FAM81A: variants seen among roughly 807,000 people sequenced by gnomAD.
FAM81A encodes the protein family with sequence similarity 81 member A, also known as protein FAM81A.
Under a neutral mutation model 46.7 loss-of-function variants are expected in FAM81A, and 19 were observed. That is an observed-to-expected ratio of 0.41 (90% CI 0.28 to 0.60). The LOEUF is 0.60. Among genes scored for constraint, FAM81A ranks in the 20% least tolerant of loss-of-function variants. FAM81A has a pLI of 0.34. For missense variants in FAM81A, 377 were observed against 453.5 expected (o/e 0.83, Z 1.53); for synonymous variants, 183 against 152.9 (o/e 1.20, Z -1.45).
intron 1 of FAM81A, among the ~76,000 whole-genome samples, chr15:59,456,321 A>G (rs2081483919): frequency 6.6e-6 from 1 of 152,008 alleles, no homozygotes; most frequent in African/African-American, 2.4e-5. Flanking sequence ...GGAGCAGGTG[A>G]TTGTGGTAGG....
chr15:59,413,564 G>A (rs2081132071), intron 2 of FAM81A, among the ~76,000 whole-genome samples: 1 of 152,048 alleles, frequency 6.6e-6, no homozygotes, highest in African/African-American at 2.4e-5. Context: ...CTCTGTACTT[G>A]AGCCTAAATA....
chr15:59,432,414 T>C (rs1464751210), intron 2 of FAM81A, among the ~76,000 whole-genome samples: 1 of 152,224 alleles, frequency 6.6e-6, no homozygotes, highest in South Asian at 2.1e-4. Context: ...GTGCTGTCCT[T>C]GGGGAAGACA....
Position 59,413,417 on chromosome 15 carries a change from A to AACACACAC in FAM81A, c.-78+11097_-78+11104dup, listed in dbSNP as rs535000983. On this transcript the variant is annotated intron_variant, in intron 2 of 4. Coordinates refer to the FAM81A transcript ENST00000558348. ...CCTCAAAACTGGGTTGAGAGCATTAAACACACACACACACACACACACACA... is the reference window on the plus strand; with the variant it reads ...CCTCAAAACTGGGTTGAGAGCATTAAACACACACACACACACACACACACACACACACA... 3.2e-3 allele frequency among the ~76,000 whole-genome samples: 425 copies of AACACACAC among 134,502 alleles called. 2 individuals carry two copies. Among genetic ancestry groups the AACACACAC allele is most frequent in the Admixed American group, 0.01 (135 of 13,024 alleles). The allele number at this position is 134,502 out of a possible 152,430, so 88.2% of individuals were successfully genotyped here. A position where few individuals can be genotyped will look rare whatever the true frequency, so the allele number is the denominator to read the frequency against.
intron 2 of FAM81A, among the ~76,000 whole-genome samples, chr15:59,421,815 A>T (rs1196950212): frequency 6.6e-6 from 1 of 150,636 alleles, no homozygotes; most frequent in Non-Finnish European, 1.5e-5. Flanking sequence ...ACCTACCAAA[A>T]AAGCATTGAG....
chr15:59,517,242 TA>T (rs1487629428), intron 8 of FAM81A, among the ~76,000 whole-genome samples: 1 of 152,222 alleles, frequency 6.6e-6, no homozygotes, highest in Non-Finnish European at 1.5e-5. Flanking sequence ...GATTTTCCTC[TA>T]CTGGCAGGTC....
intron 1 of FAM81A, among the ~76,000 whole-genome samples, chr15:59,441,256 T>G (rs528767051): frequency 6.6e-6 from 1 of 152,304 alleles, no homozygotes; most frequent in African/African-American, 2.4e-5. Context: ...TACTCCACCA[T>G]ATGGGTCATC....
intron 3 of FAM81A, among the ~76,000 whole-genome samples, chr15:59,475,213 C>T (rs2081750548): frequency 6.6e-6 from 1 of 151,872 alleles, no homozygotes; most frequent in Non-Finnish European, 1.5e-5. Context: ...CGTGTGATCT[C>T]AGCTCACTGC....
chr15:59,408,292 AC>A (rs2081105481), intron 2 of FAM81A: 1 of 152,202 alleles, frequency 6.6e-6, no homozygotes, highest in African/African-American at 2.4e-5. Flanking sequence ...GGGGAATCAT[AC>A]CTGTTTCTTT....
At chr15:59,446,417 A>G (rs1226016312) in intron 1 of FAM81A, 1 of 152,238 alleles carries the variant, frequency 6.6e-6, no homozygotes, top group Admixed American at 6.5e-5. Context: ...GACAGAGGCC[A>G]TGTGTGTATT....
In FAM81A at chr15:59,459,875, A is replaced by G. The variant is rs1030185638; in HGVS notation, c.21-58A>G. On this transcript the variant is annotated intron_variant, in intron 2 of 8. Coordinates refer to ENST00000288228, the MANE Select transcript of FAM81A (RefSeq NM_152450.3). ...TCCAGACTTCTCTGGGAAGTTTTGA[A>G]TCTGGCTTTAAACATTATTTTTTCC... 9 of 1,483,716 alleles carry G rather than the reference A, an allele frequency of 6.1e-6. No homozygotes were observed. In the East Asian group the frequency reaches 2.0e-4, roughly 33 times the overall value. The allele number at this position is 1,483,716 out of a possible 1,614,324, so 91.9% of individuals were successfully genotyped here. A position where few individuals can be genotyped will look rare whatever the true frequency, so the allele number is the denominator to read the frequency against.
chr15:59,491,765 C>T (rs961261312), intron 3 of FAM81A, among the ~76,000 whole-genome samples: 4 of 151,928 alleles, frequency 2.6e-5, no homozygotes, highest in African/African-American at 9.7e-5. Context: ...GCCAACATGG[C>T]GAAACCCCAT....
intron 2 of FAM81A, among the ~76,000 whole-genome samples, chr15:59,410,262 C>G (rs1485469501): frequency 6.6e-6 from 1 of 152,062 alleles, no homozygotes; most frequent in Non-Finnish European, 1.5e-5. Flanking sequence ...CACCATTGCA[C>G]TCCAGCCTGG....
rs1248064974 is a variant in FAM81A at position 59,523,257 on chromosome 15, A to C, written c.*1879A>C. 6.6e-6 allele frequency: 1 copy of C among 152,202 alleles called. No homozygotes were observed. The highest frequency in any genetic ancestry group is 1.5e-5 in the Non-Finnish European group (1 of 68,046). The allele number at this position is 152,202 out of a possible 1,614,324, so 9.4% of individuals were successfully genotyped here. On this transcript the variant is annotated 3_prime_UTR_variant, in exon 9 of 9. Transcript: ENST00000288228. Reference sequence around the variant, plus strand: ...CTTCTGACATTGCCAGCCCCTTGAGATGAGCCACCGCAGGTGTGCTCACCT... The same window carrying C: ...CTTCTGACATTGCCAGCCCCTTGAGCTGAGCCACCGCAGGTGTGCTCACCT...
In FAM81A at chr15:59,509,031, A is replaced by G. The variant is rs532520335; in HGVS notation, c.650+62A>G. On this transcript the variant is annotated intron_variant, in intron 6 of 8. Transcript: ENST00000288228. The stretch of plus-strand genomic sequence containing the variant: ...GTTCTTTATGAGTTTATGCAATACT[A>G]TGATTTTTTTCCTCTTGGTTTTTAT... The G allele has an allele frequency of 5.5e-5, 71 of 1,281,412 alleles. No individual in the cohort carries two copies. In the African/African-American group the frequency reaches 8.0e-4, roughly 14 times the overall value. The allele number at this position is 1,281,412 out of a possible 1,614,324, so 79.4% of individuals were successfully genotyped here.
At chr15:59,398,992 AC>A (rs1395912792) in intron 1 of FAM81A, among the ~76,000 whole-genome samples, 1 of 151,946 alleles carries the variant, frequency 6.6e-6, no homozygotes, top group African/African-American at 2.4e-5. Flanking sequence ...ACATGGTGAA[AC>A]CCCGTCTCTA....
At chr15:59,434,601 T>C (rs1440537980), upstream of FAM81A, among the ~76,000 whole-genome samples, 1 of 152,242 alleles carries the variant, frequency 6.6e-6, no homozygotes, top group Non-Finnish European at 1.5e-5. Context: ...CTTACATCTC[T>C]GGGTCTTCCT....
rs1202525869 is a variant in FAM81A at position 59,401,208 on chromosome 15, A to G, written c.-160-1068A>G. On this transcript the variant is annotated intron_variant, in intron 1 of 4. Coordinates refer to the FAM81A transcript ENST00000558348. ...GGTGCGTAGTCCTCAATAATTATAT[A>G]TGAAATTGCTGTCGAACCAGTAAGA... 5.6e-6 allele frequency: 5 copies of G among 897,500 alleles called. No individual in the cohort carries two copies. The East Asian group carries it at 1.2e-4, about 22-fold the overall frequency. The allele number at this position is 897,500 out of a possible 1,614,324, so 55.6% of individuals were successfully genotyped here. A position where few individuals can be genotyped will look rare whatever the true frequency, so the allele number is the denominator to read the frequency against.
rs891241190 is a variant in FAM81A, at chr15:59,521,798, T to A, written c.*420T>A. 6.5e-6 allele frequency: 1 copy of A among 153,176 alleles called. No individual in the cohort carries two copies. Among genetic ancestry groups the A allele is most frequent in the Non-Finnish European group, 1.5e-5 (1 of 68,738 alleles). The allele number at this position is 153,176 out of a possible 1,614,324, so 9.5% of individuals were successfully genotyped here. ...GGAATGTGTTGCTCCTCACCCTAAA[T>A]TAAGAGAATGTCCCAGTAGATTAGA... On this transcript the variant is annotated 3_prime_UTR_variant, in exon 9 of 9. Coordinates refer to ENST00000288228, the MANE Select transcript of FAM81A (RefSeq NM_152450.3).
At position 59,507,282 on chromosome 15, in the gene FAM81A, C is replaced by A. The variant is rs752254786; in HGVS notation, c.483C>A (p.Asn161Lys). 3.0e-5 allele frequency: 49 copies of A among 1,611,966 alleles called. No individual in the cohort carries two copies. Among genetic ancestry groups the A allele is most frequent in the Non-Finnish European group, 4.0e-5 (47 of 1,179,124 alleles). The change falls in exon 5 of 9, where the codon AAC becomes AAA. Residue 161 changes from asparagine (N) to lysine (K), a missense_variant. Asn to Lys is a moderately conservative substitution (Grantham distance 94). Coordinates refer to ENST00000288228, the MANE Select transcript of FAM81A (RefSeq NM_152450.3). ...KTTYEGLQHL[N>K]KEQQAAKLIL... is the part of the protein sequence containing the mutation. ...CCTATGAGGGGCTCCAGCACTTGAA[C>A]AAAGAACAGCAGGCTGCCAAACTTA...
Sources: gnomAD v4.1 joint callset for allele counts (sites outside exome capture counted in the v4.1 genomes callset) on GRCh38, gnomAD v4.1.1 for gene constraint, MANE v1.5 for transcripts, NCBI Gene and HGNC (gene_info 2026-07-23, HGNC 2026-07-21) for gene names.